Variants in CA10 observed in about 807,000 individuals in gnomAD.
CA10 encodes the protein carbonic anhydrase 10 (inactive), also known as carbonic anhydrase-related protein 10.
In CA10, 14 loss-of-function variants were observed where a neutral mutation model predicts 44.2. That is an observed-to-expected ratio of 0.32 (90% CI 0.21 to 0.50). The LOEUF is 0.50. Among genes scored for constraint, CA10 ranks in the 20% least tolerant of loss-of-function variants. CA10 has a pLI of 0.99. For synonymous variants in CA10, 159 were observed against 141.6 expected, an observed-to-expected ratio of 1.12 and a Z score of -0.87; for missense variants, 350 against 409.7, an observed-to-expected ratio of 0.85 and a Z score of 1.26.
Position 51,759,358 on chromosome 17 carries a change from C to CTGTG in CA10, c.280-11544_280-11541dup, listed in dbSNP as rs5820879. On this transcript the variant is annotated intron_variant, in intron 3 of 8. Coordinates refer to ENST00000451037, the MANE Select transcript of CA10 (RefSeq NM_020178.5). ...ATTGGGTTGAGTACACTTCTTTGCT[C>CTGTG]TGTGTGTGTGTGTGTGTGTGTGTGT... is the stretch of plus-strand genomic sequence containing the variant. Among the ~76,000 whole-genome samples the CTGTG allele has an allele frequency of 1.6e-3, 226 of 141,986 alleles. 2 individuals are homozygous for CTGTG. Among genetic ancestry groups the CTGTG allele is most frequent in the African/African-American group, 3.9e-3 (149 of 38,390 alleles). The allele number at this position is 141,986 out of a possible 152,430, so 93.1% of individuals were successfully genotyped here.
intron 1 of CA10, among the ~76,000 whole-genome samples, chr17:52,128,171 G>T (rs1255160390): frequency 6.6e-6 from 1 of 152,162 alleles, no homozygotes; most frequent in Non-Finnish European, 1.5e-5. Context: ...TCCCTTCTCT[G>T]CTCTCCTAAG....
At chr17:51,984,639 G>GA (rs922421495) in intron 2 of CA10, among the ~76,000 whole-genome samples, 1 of 151,858 alleles carries the variant, frequency 6.6e-6, no homozygotes, top group African/African-American at 2.4e-5. Flanking sequence ...AAAGAAGAGA[G>GA]AAAATCCAAA....
chr17:51,659,319 C>T (rs897799824), intron 4 of CA10, among the ~76,000 whole-genome samples: 5 of 152,108 alleles, frequency 3.3e-5, no homozygotes, highest in South Asian at 2.1e-4. Flanking sequence ...CTTACACTAG[C>T]GACCACCTCT....
intron 2 of CA10, among the ~76,000 whole-genome samples, chr17:51,991,209 A>G (rs1453723122): frequency 1.3e-5 from 2 of 152,144 alleles, no homozygotes; most frequent in Admixed American, 1.3e-4. Context: ...ATAATAATCC[A>G]TTAGCATTTT....
At position 51,990,851 on chromosome 17, in the gene CA10, C is replaced by T. The variant is rs201125759; in HGVS notation, c.137-59719G>A. Among the ~76,000 whole-genome samples, 102 of 152,132 alleles carry T rather than the reference C, an allele frequency of 6.7e-4. 1 individual carries two copies. The East Asian group carries it at 0.017, about 26-fold the overall frequency. ...TGGCTGTCAACACCTAGTTGCTTTT[C>T]GTAGGAGGTGCTGCCAGGTCAGAAA... On this transcript the variant is annotated intron_variant, in intron 2 of 8. Transcript: ENST00000451037.
chr17:51,924,293 TTTTTA>T (rs1163663828), intron 3 of CA10, among the ~76,000 whole-genome samples: 1 of 152,110 alleles, frequency 6.6e-6, no homozygotes. Flanking sequence ...GTTTGTTTGT[TTTTTA>T]AAGTTTACAC....
intron 2 of CA10, among the ~76,000 whole-genome samples, chr17:51,970,316 C>T (rs192204643): frequency 3.8e-4 from 58 of 151,420 alleles, no homozygotes; most frequent in African/African-American, 1.4e-3. Context: ...AGGAATTATC[C>T]AAAAAGGCAT....
At chr17:51,726,691 C>T (rs779520003) in intron 4 of CA10, among the ~76,000 whole-genome samples, 2 of 152,178 alleles carry the variant, frequency 1.3e-5, no homozygotes, top group East Asian at 3.9e-4. Flanking sequence ...TTCCCCTTAA[C>T]TATACTGGTA....
chr17:51,991,293 C>T (rs548527402), intron 2 of CA10, among the ~76,000 whole-genome samples: 1 of 152,250 alleles, frequency 6.6e-6, no homozygotes, highest in South Asian at 2.1e-4. Context: ...TTTAAACTTT[C>T]TAATGGCCAG....
At chr17:52,046,557 T>C (rs2215406) in intron 2 of CA10, among the ~76,000 whole-genome samples, 57,742 of 151,596 alleles carry the variant, frequency 0.38, 13,164 homozygotes, top group East Asian at 0.77. Context: ...ATTCAAGATA[T>C]TGAAGTAGTT....
intron 1 of CA10, 87 bp downstream of exon 1, chr17:52,157,638 GC>G (rs1489923535): frequency 4.8e-5 from 58 of 1,214,308 alleles, no homozygotes; most frequent in Non-Finnish European, 6.9e-5. Context: ...CCCTCTCTCT[GC>G]CCCGCGGCTA....
chr17:52,112,676 T>G (rs1291013900), intron 1 of CA10, among the ~76,000 whole-genome samples: 4 of 152,200 alleles, frequency 2.6e-5, no homozygotes, highest in South Asian at 4.1e-4. Flanking sequence ...TGAGTAAGTT[T>G]AAATATCCAA....
chr17:51,912,363 G>A lies in CA10; in HGVS notation c.279+18627C>T, dbSNP rs534932190. ...CAAGTCAGGAAGGAGGCTCAAGGAG[G>A]TAAAGTAACTTGCTTAGGGACCCCT... On this transcript the variant is annotated intron_variant, in intron 3 of 8. Coordinates refer to ENST00000451037, the MANE Select transcript of CA10 (RefSeq NM_020178.5). Among the ~76,000 whole-genome samples, 24 of 152,276 alleles carry A rather than the reference G, an allele frequency of 1.6e-4. No homozygotes were observed. In the East Asian group the frequency reaches 4.4e-3, roughly 28 times the overall value.
chr17:51,910,879 A>ATTG (rs1418720462), intron 3 of CA10, among the ~76,000 whole-genome samples: 1 of 152,148 alleles, frequency 6.6e-6, no homozygotes, highest in Non-Finnish European at 1.5e-5. Flanking sequence ...TGTGTTTGTC[A>ATTG]TTGCAGGGAG....
At chr17:51,951,125 G>A (rs1183510727) in intron 2 of CA10, among the ~76,000 whole-genome samples, 2 of 152,108 alleles carry the variant, frequency 1.3e-5, no homozygotes, top group Non-Finnish European at 2.9e-5. Flanking sequence ...TATTTTCAAA[G>A]CACATGAAAT....
chr17:52,135,253 C>T (rs190337773), intron 1 of CA10, among the ~76,000 whole-genome samples: 3 of 152,294 alleles, frequency 2.0e-5, no homozygotes, highest in Admixed American at 6.5e-5. Context: ...TTTGGAAAGA[C>T]TCCACTTTTG....
Position 52,056,799 on chromosome 17 carries a change from T to C in CA10, c.136+15520A>G, listed in dbSNP as rs142237766. Among the ~76,000 whole-genome samples the C allele has an allele frequency of 3.3e-5, 5 of 152,192 alleles. No homozygotes were observed. In the East Asian group the frequency reaches 7.7e-4, roughly 24 times the overall value. On this transcript the variant is annotated intron_variant, in intron 2 of 8. Coordinates refer to ENST00000451037, the MANE Select transcript of CA10 (RefSeq NM_020178.5). ...CCCTTACAAAGTATCAACAGATAAC[T>C]AAACTGCTCTTCAGTAAAGCTATAT...
At chr17:51,891,578 A>G (rs1185248578) in intron 3 of CA10, among the ~76,000 whole-genome samples, 2 of 152,232 alleles carry the variant, frequency 1.3e-5, no homozygotes, top group Non-Finnish European at 2.9e-5. Context: ...TTTTACTTGG[A>G]AAGTGTTATC....
chr17:52,152,183 T>C (rs771472445), intron 1 of CA10, among the ~76,000 whole-genome samples: 3 of 152,082 alleles, frequency 2.0e-5, no homozygotes, highest in East Asian at 1.9e-4. Flanking sequence ...ACAGTGCTAG[T>C]TGTAGACATG....
Sources: allele counts gnomAD v4.1 joint callset (sites outside exome capture counted in the v4.1 genomes callset), GRCh38; gene constraint gnomAD v4.1.1; transcripts MANE v1.5; gene names NCBI Gene and HGNC (gene_info 2026-07-23, HGNC 2026-07-21).